The following VPS41 variants were observed in gnomAD, a reference collection of about 807,000 sequenced individuals.
The protein encoded by VPS41 is vacuolar protein sorting-associated protein 41 homolog.
A neutral mutation model predicts 130.9 loss-of-function variants in VPS41; 85 were observed. The observed-to-expected ratio is 0.65, with a 90% CI of 0.55 to 0.78. The LOEUF is 0.78. Ranked by LOEUF, VPS41 falls within the 30% of genes least tolerant of loss-of-function variation. The pLI is 0.00. For synonymous variants in VPS41, 335 were observed against 332.9 expected, an observed-to-expected ratio of 1.01 and a Z score of -0.07; for missense variants, 874 against 1,018.7, an observed-to-expected ratio of 0.86 and a Z score of 1.93.
intron 2 of VPS41, among the ~76,000 whole-genome samples, chr7:38,883,992 T>C (rs1401851040): frequency 6.6e-6 from 1 of 152,228 alleles, no homozygotes; most frequent in African/African-American, 2.4e-5. Flanking sequence ...GTGGACACTA[T>C]AACCCTATGC....
At chr7:38,895,971 T>C (rs1786980345) in intron 2 of VPS41, among the ~76,000 whole-genome samples, 2 of 152,226 alleles carry the variant, frequency 1.3e-5, no homozygotes, top group East Asian at 3.8e-4. Flanking sequence ...TCCATCTGAC[T>C]GTCAGCTCCA....
intron 1 of VPS41, among the ~76,000 whole-genome samples, chr7:38,898,934 C>T (rs1047849579): frequency 8.0e-6 from 1 of 125,502 alleles, no homozygotes; most frequent in African/African-American, 3.2e-5. Flanking sequence ...TACAACAATC[C>T]ATGAGATAAA....
At chr7:38,874,916 T>C (rs1786454695) in intron 2 of VPS41, among the ~76,000 whole-genome samples, 2 of 152,160 alleles carry the variant, frequency 1.3e-5, no homozygotes. Flanking sequence ...ATCAGAACAT[T>C]TGAATTTTAG....
At chr7:38,885,724 C>T (rs964245867) in intron 2 of VPS41, among the ~76,000 whole-genome samples, 2 of 152,048 alleles carry the variant, frequency 1.3e-5, no homozygotes, top group African/African-American at 2.4e-5. Context: ...AAATGTTTAT[C>T]GTGAGATGAA....
At chr7:38,741,838 A>C in intron 25 of VPS41, 147 bp downstream of exon 25, 2 of 871,238 alleles carry the variant, frequency 2.3e-6, no homozygotes, top group Non-Finnish European at 3.5e-6. Context: ...ACTCTATTTG[A>C]ACAGTTTTCT....
chr7:38,728,437 G>C, intron 27 of VPS41, 105 bp downstream of exon 27: 1 of 1,270,344 alleles, frequency 7.9e-7, no homozygotes, highest in Non-Finnish European at 1.2e-6. Flanking sequence ...GGGTTATTCT[G>C]AAAGTTATAT....
chr7:38,766,341 C>G (rs766554573), intron 15 of VPS41, among the ~76,000 whole-genome samples: 13 of 152,140 alleles, frequency 8.5e-5, no homozygotes, highest in Non-Finnish European at 1.6e-4. Flanking sequence ...CTCTGCAACC[C>G]AGGATCCTGG....
chr7:38,780,393 T>G (rs976904419), intron 10 of VPS41, among the ~76,000 whole-genome samples: 4 of 150,682 alleles, frequency 2.7e-5, no homozygotes, highest in African/African-American at 9.8e-5. Context: ...CTCCTCCTGA[T>G]GGAGGTGGAA....
chr7:38,765,438 G>T, intron 16 of VPS41, 142 bp downstream of exon 16: 1 of 551,302 alleles, frequency 1.8e-6, no homozygotes, highest in Non-Finnish European at 3.1e-6. Flanking sequence ...TTTTGAAACT[G>T]TCTCTAAAAG....
At chr7:38,740,820 G>A (rs1385289100) in intron 25 of VPS41, among the ~76,000 whole-genome samples, 1 of 152,012 alleles carries the variant, frequency 6.6e-6, no homozygotes, top group Non-Finnish European at 1.5e-5. Flanking sequence ...TCTTCCTCCT[G>A]GCCTTCATGT....
At position 38,757,013 on chromosome 7, in the gene VPS41, C is replaced by T. The variant is rs1296938118; in HGVS notation, c.1551-31G>A. 4.0e-6 allele frequency: 6 copies of T among 1,515,034 alleles called. No homozygotes were observed. In the Admixed American group the frequency reaches 8.6e-5, roughly 22 times the overall value. 93.8% of individuals were successfully genotyped at this position (1,515,034 alleles called of 1,614,324 possible). A position where few individuals can be genotyped will look rare whatever the true frequency, so the allele number is the denominator to read the frequency against. On this transcript the variant is annotated intron_variant, in intron 18 of 28. Coordinates refer to ENST00000310301, the MANE Select transcript of VPS41 (RefSeq NM_014396.4). The stretch of plus-strand genomic sequence containing the variant: ...AATACAAATTTTTTACATTAATATT[C>T]ATCAACAGTTCTAATTAAAACACAC...
chr7:38,825,083 G>C (rs908487774), intron 5 of VPS41, among the ~76,000 whole-genome samples: 15 of 152,150 alleles, frequency 9.9e-5, no homozygotes, highest in African/African-American at 2.9e-4. Context: ...ATAGTAAACA[G>C]GCACCGATAC....
intron 10 of VPS41, among the ~76,000 whole-genome samples, chr7:38,781,311 C>A (rs1384376807): frequency 6.6e-6 from 1 of 152,178 alleles, no homozygotes; most frequent in Non-Finnish European, 1.5e-5. Context: ...ACTAGCCATA[C>A]CACAAAGACT....
intron 10 of VPS41, among the ~76,000 whole-genome samples, chr7:38,779,328 GTCTT>G (rs1210576924): frequency 1.3e-5 from 2 of 152,130 alleles, no homozygotes; most frequent in Non-Finnish European, 2.9e-5. Context: ...ACTAAATTAT[GTCTT>G]TCTTTTTGTT....
At chr7:38,853,862 A>G (rs1405824383) in intron 4 of VPS41, among the ~76,000 whole-genome samples, 1 of 152,260 alleles carries the variant, frequency 6.6e-6, no homozygotes, top group Non-Finnish European at 1.5e-5. Context: ...TTACCACTGA[A>G]GGGTCAGATG....
chr7:38,813,791 T>C (rs1784988680), intron 7 of VPS41, among the ~76,000 whole-genome samples: 1 of 152,208 alleles, frequency 6.6e-6, no homozygotes, highest in Non-Finnish European at 1.5e-5. Flanking sequence ...CTTAACTGTT[T>C]TTATTTTACT....
At chr7:38,881,606 A>C (rs1160699467) in intron 2 of VPS41, among the ~76,000 whole-genome samples, 1 of 152,170 alleles carries the variant, frequency 6.6e-6, no homozygotes, top group East Asian at 1.9e-4. Context: ...AGCTAAATAA[A>C]AAAACTTCTC....
At chr7:38,900,569 C>T (rs149067772) in intron 1 of VPS41, among the ~76,000 whole-genome samples, 77 of 152,218 alleles carry the variant, frequency 5.1e-4, no homozygotes, top group African/African-American at 1.6e-3. Context: ...AGTCTCCAAC[C>T]AGCAATTTCA....
chr7:38,737,441 A>G (rs924899692), intron 25 of VPS41, among the ~76,000 whole-genome samples: 6 of 152,218 alleles, frequency 3.9e-5, no homozygotes, highest in African/African-American at 1.4e-4. Context: ...CAGACAAAAT[A>G]AAACATAAAT....
Sources: allele counts gnomAD v4.1 joint callset (sites outside exome capture counted in the v4.1 genomes callset), GRCh38; gene constraint gnomAD v4.1.1; transcripts MANE v1.5; gene names NCBI Gene and HGNC (gene_info 2026-07-23, HGNC 2026-07-21).